Variants in ELMO1 observed in about 807,000 individuals in gnomAD.
ELMO1 encodes the protein engulfment and cell motility protein 1.
A neutral mutation model predicts 98.9 loss-of-function variants in ELMO1; 26 were observed. That is an observed-to-expected ratio of 0.26 (90% confidence interval 0.19 to 0.36). The LOEUF (loss-of-function observed/expected upper bound fraction) is 0.36. Ranked by LOEUF, ELMO1 falls within the 10% of genes least tolerant of loss-of-function variation. The probability of loss-of-function intolerance (pLI) is 1.00; values close to 1 mark genes in which losing one functional copy is unlikely to be tolerated. For synonymous variants in ELMO1, 346 were observed against 346.0 expected (o/e 1.00, Z 0.00); for missense variants, 627 against 935.2 (o/e 0.67, Z 4.30).
intron 15 of ELMO1, among the ~76,000 whole-genome samples, chr7:37,038,426 TA>T (rs765900945): frequency 2.6e-5 from 4 of 152,186 alleles, no homozygotes; most frequent in Admixed American, 6.5e-5. Context: ...CTTATTTTAA[TA>T]GAAGCCTTGT....
intron 17 of ELMO1, among the ~76,000 whole-genome samples, chr7:36,889,034 G>C (rs1033945819): frequency 6.6e-6 from 1 of 152,294 alleles, no homozygotes; most frequent in Non-Finnish European, 1.5e-5. Context: ...TGGAGGTTAC[G>C]TGTGGAATAT....
intron 16 of ELMO1, among the ~76,000 whole-genome samples, chr7:36,937,390 A>G (rs184693140): frequency 3.9e-5 from 6 of 152,332 alleles, no homozygotes; most frequent in Admixed American, 1.3e-4. Context: ...CAGCAATTCA[A>G]CAGAAACCTG....
chr7:37,262,221 G>A (rs935698596), intron 5 of ELMO1, among the ~76,000 whole-genome samples: 2 of 152,188 alleles, frequency 1.3e-5, no homozygotes, highest in African/African-American at 4.8e-5. Context: ...ACAGAAACCT[G>A]AAAAGGACAA....
At chr7:36,867,546 C>T (rs1803128801) in intron 20 of ELMO1, among the ~76,000 whole-genome samples, 1 of 151,926 alleles carries the variant, frequency 6.6e-6, no homozygotes, top group East Asian at 1.9e-4. Context: ...TTTTCTTCTG[C>T]TTGCTTTAAG....
intron 2 of ELMO1, among the ~76,000 whole-genome samples, chr7:37,334,183 C>G (rs1242948191): frequency 6.6e-6 from 1 of 152,220 alleles, no homozygotes; most frequent in Non-Finnish European, 1.5e-5. Flanking sequence ...TCAGGAGCCC[C>G]TGACCTAGTC....
chr7:36,871,461 A>G (rs1290288158), intron 19 of ELMO1, among the ~76,000 whole-genome samples: 1 of 152,256 alleles, frequency 6.6e-6, no homozygotes. Context: ...TTAATTTAAA[A>G]TAATGCAAAG....
intron 15 of ELMO1, among the ~76,000 whole-genome samples, chr7:37,094,473 C>G (rs974969472): frequency 6.6e-6 from 1 of 152,190 alleles, no homozygotes; most frequent in Non-Finnish European, 1.5e-5. Flanking sequence ...GCTCTATCCC[C>G]TATTCTGTCC....
chr7:37,076,085 C>T (rs1442822963), intron 15 of ELMO1, among the ~76,000 whole-genome samples: 1 of 152,182 alleles, frequency 6.6e-6, no homozygotes, highest in Non-Finnish European at 1.5e-5. Flanking sequence ...TGAAACACTT[C>T]CCTTTGCTAC....
intron 1 of ELMO1, among the ~76,000 whole-genome samples, chr7:37,422,889 C>G (rs1402340739): frequency 1.3e-5 from 2 of 152,230 alleles, no homozygotes; most frequent in South Asian, 2.1e-4. Flanking sequence ...ATAACAAAAG[C>G]TACCATTTAT....
chr7:37,383,874 G>A (rs1190879455), intron 1 of ELMO1, among the ~76,000 whole-genome samples: 1 of 152,160 alleles, frequency 6.6e-6, no homozygotes, highest in African/African-American at 2.4e-5. Context: ...GGAGTGCAGT[G>A]GCGCGATCTC....
intron 16 of ELMO1, among the ~76,000 whole-genome samples, chr7:36,950,184 A>G (rs1389633233): frequency 6.6e-6 from 1 of 152,136 alleles, no homozygotes; most frequent in Non-Finnish European, 1.5e-5. Context: ...GGTGCCCGGG[A>G]CAGCTGGAGA....
At chr7:37,006,825 T>C (rs1793164888) in intron 16 of ELMO1, among the ~76,000 whole-genome samples, 1 of 152,190 alleles carries the variant, frequency 6.6e-6, no homozygotes, top group African/African-American at 2.4e-5. Context: ...CACATATCTG[T>C]TTATGTATGA....
At chr7:36,949,635 C>CT (rs1787803170) in intron 16 of ELMO1, among the ~76,000 whole-genome samples, 1 of 152,150 alleles carries the variant, frequency 6.6e-6, no homozygotes, top group African/African-American at 2.4e-5. Flanking sequence ...TCTCTGGCCT[C>CT]TATTCACTAG....
At chr7:36,929,599 A>C (rs1785863103) in intron 16 of ELMO1, among the ~76,000 whole-genome samples, 1 of 152,230 alleles carries the variant, frequency 6.6e-6, no homozygotes, top group African/African-American at 2.4e-5. Flanking sequence ...GGCCCAGCCC[A>C]GAATGGTCAG....
intron 15 of ELMO1, among the ~76,000 whole-genome samples, chr7:37,089,809 A>G (rs181159161): frequency 6.6e-6 from 1 of 152,330 alleles, no homozygotes; most frequent in East Asian, 1.9e-4. Context: ...TATTTATCCC[A>G]TCTTAACATA....
intron 15 of ELMO1, among the ~76,000 whole-genome samples, chr7:37,016,853 A>G (rs1448122608): frequency 3.3e-5 from 5 of 152,238 alleles, no homozygotes; most frequent in African/African-American, 9.6e-5. Flanking sequence ...TGGTGGTGCT[A>G]GAATTCAAGG....
chr7:37,341,341 C>T (rs1800708831), intron 2 of ELMO1, among the ~76,000 whole-genome samples: 1 of 152,112 alleles, frequency 6.6e-6, no homozygotes, highest in Non-Finnish European at 1.5e-5. Flanking sequence ...CCGAGTATCT[C>T]CAAACATTTT....
At chr7:37,130,823 G>T (rs903065661) in intron 14 of ELMO1, among the ~76,000 whole-genome samples, 2 of 152,106 alleles carry the variant, frequency 1.3e-5, no homozygotes, top group Non-Finnish European at 2.9e-5. Flanking sequence ...GGCAAAGAGA[G>T]TGAATAGTGA....
chr7:37,164,577 C>A (rs1487710180), intron 13 of ELMO1, among the ~76,000 whole-genome samples: 1 of 152,176 alleles, frequency 6.6e-6, no homozygotes, highest in Non-Finnish European at 1.5e-5. Context: ...TTTCCCAGCA[C>A]CATTTGTTAA....
Sources: allele counts gnomAD v4.1 joint callset (sites outside exome capture counted in the v4.1 genomes callset), GRCh38; gene constraint gnomAD v4.1.1; transcripts MANE v1.5; gene names NCBI Gene and HGNC (gene_info 2026-07-23, HGNC 2026-07-21).